PID1: variants seen among roughly 807,000 people sequenced by gnomAD.
PID1 encodes PTB-containing, cubilin and LRP1-interacting protein.
A neutral mutation model predicts 19.1 loss-of-function variants in PID1; 10 were observed. The observed-to-expected ratio is 0.52, with a 90% CI of 0.32 to 0.89. The LOEUF (loss-of-function observed/expected upper bound fraction) is 0.89, where lower values mean the gene tolerates loss of function less well. Among genes scored for constraint, PID1 ranks in the 40% least tolerant of loss-of-function variants. PID1 has a pLI of 0.03. For missense variants in PID1, 248 were observed against 285.3 expected, an observed-to-expected ratio of 0.87 and a Z score of 0.94; for synonymous variants, 130 against 116.0, an observed-to-expected ratio of 1.12 and a Z score of -0.78.
intron 1 of PID1, among the ~76,000 whole-genome samples, chr2:229,222,043 A>G (rs1001833272): frequency 2.6e-5 from 4 of 152,242 alleles, no homozygotes; most frequent in African/African-American, 9.6e-5. Flanking sequence ...TCCCACTCGG[A>G]AGCCTTCAGT....
At chr2:229,048,630 C>G (rs1281946634) in intron 2 of PID1, among the ~76,000 whole-genome samples, 1 of 152,150 alleles carries the variant, frequency 6.6e-6, no homozygotes, top group Non-Finnish European at 1.5e-5. Flanking sequence ...GGCTGCAGCT[C>G]TGGTGGGGTA....
At chr2:229,214,093 G>C (rs1333895497) in intron 1 of PID1, among the ~76,000 whole-genome samples, 1 of 152,154 alleles carries the variant, frequency 6.6e-6, no homozygotes, top group African/African-American at 2.4e-5. Context: ...GATATAATCA[G>C]GACTGTGTTC....
At chr2:229,195,628 T>A in intron 1 of PID1, among the ~76,000 whole-genome samples, 1 of 151,876 alleles carries the variant, frequency 6.6e-6, no homozygotes, top group East Asian at 1.9e-4. Context: ...TAGAGATAAT[T>A]ATTTTTTTCA....
intron 2 of PID1, among the ~76,000 whole-genome samples, chr2:229,127,008 G>C (rs973679204): frequency 2.6e-5 from 4 of 152,198 alleles, no homozygotes; most frequent in African/African-American, 9.6e-5. Context: ...AGTCCTCAAA[G>C]CCCTGTCTAT....
At chr2:229,229,394 A>C (rs973029434) in intron 1 of PID1, among the ~76,000 whole-genome samples, 1 of 152,160 alleles carries the variant, frequency 6.6e-6, no homozygotes, top group Admixed American at 6.6e-5. Flanking sequence ...ATTGCCCCCC[A>C]AAAATAAAAT....
intron 1 of PID1, among the ~76,000 whole-genome samples, chr2:229,266,029 CAAT>C (rs757168556): frequency 6.6e-6 from 1 of 152,142 alleles, no homozygotes; most frequent in Non-Finnish European, 1.5e-5. Context: ...GAGAAAGACT[CAAT>C]GATGTAAGAT....
intron 1 of PID1, among the ~76,000 whole-genome samples, chr2:229,254,091 T>A (rs921062828): frequency 6.6e-6 from 1 of 152,100 alleles, no homozygotes; most frequent in African/African-American, 2.4e-5. Context: ...GGAGAAAGTG[T>A]CTAATCAATC....
rs1040047428 is a variant in PID1 at position 229,190,670 on chromosome 2, T to C, written c.31-34706A>G. Among the ~76,000 whole-genome samples the C allele has an allele frequency of 3.3e-5, 5 of 152,254 alleles. 1 individual carries two copies. In the South Asian group the frequency reaches 8.3e-4, roughly 25 times the overall value. ...TCATAGTTGACTGCTGATACTATATTGGGCAGACATTTTGCTTCCAAGCAT... is the reference window on the plus strand; with the variant it reads ...TCATAGTTGACTGCTGATACTATATCGGGCAGACATTTTGCTTCCAAGCAT... On this transcript the variant is annotated intron_variant, in intron 1 of 2. Coordinates refer to ENST00000392055, the MANE Select transcript of PID1 (RefSeq NM_001100818.2).
chr2:229,133,979 T>C (rs887819698), intron 2 of PID1, among the ~76,000 whole-genome samples: 6 of 151,924 alleles, frequency 3.9e-5, no homozygotes, highest in African/African-American at 1.4e-4. Context: ...GGATACATTG[T>C]AAAAATTTTA....
chr2:229,245,598 G>A (rs964493400), intron 1 of PID1, among the ~76,000 whole-genome samples: 1 of 152,152 alleles, frequency 6.6e-6, no homozygotes, highest in African/African-American at 2.4e-5. Context: ...AGCACTGGGG[G>A]TCTGGGGCAG....
At chr2:229,091,747 G>C (rs893672418) in intron 2 of PID1, among the ~76,000 whole-genome samples, 1 of 152,172 alleles carries the variant, frequency 6.6e-6, no homozygotes. Context: ...TGAATGAACT[G>C]AGGCACTCAC....
chr2:229,036,083 T>C (rs986117554), intron 2 of PID1, among the ~76,000 whole-genome samples: 5 of 152,218 alleles, frequency 3.3e-5, no homozygotes, highest in African/African-American at 7.2e-5. Context: ...TGTGCTATGC[T>C]GGTTATTACC....
rs576076856 is a variant in PID1 at position 229,121,895 on chromosome 2, G to T, written c.177+33923C>A. On this transcript the variant is annotated intron_variant, in intron 2 of 2. Transcript: ENST00000392055. Reference sequence around the variant, plus strand: ...AATAATACAATAGAAAACAGAGAGTGATTATGGCTATAAAGAAAATCAAAG... The same window carrying T: ...AATAATACAATAGAAAACAGAGAGTTATTATGGCTATAAAGAAAATCAAAG... 1.1e-4 allele frequency among the ~76,000 whole-genome samples: 16 copies of T among 152,254 alleles called. No homozygotes were observed. The East Asian group carries it at 2.9e-3, about 28-fold the overall frequency.
At chr2:229,232,509 G>A (rs1246459503) in intron 1 of PID1, among the ~76,000 whole-genome samples, 1 of 141,294 alleles carries the variant, frequency 7.1e-6, no homozygotes, top group African/African-American at 2.6e-5. Context: ...TCTGAATTTT[G>A]GAGGGGACAC....
chr2:229,139,115 G>GAAAGAAAGAAAGAAAGAAAGAA (rs1210728895), intron 2 of PID1, among the ~76,000 whole-genome samples: 21 of 48,058 alleles, frequency 4.4e-4, no homozygotes, highest in African/African-American at 1.5e-3. Context: ...AAGAAAGAAA[G>GAAAGAAAGAAAGAAAGAAAGAA]AGAAAGAAAG....
intron 2 of PID1, among the ~76,000 whole-genome samples, chr2:229,143,072 C>A (rs1690051010): frequency 6.7e-6 from 1 of 148,330 alleles, no homozygotes; most frequent in South Asian, 2.3e-4. Context: ...TGGAAATCAT[C>A]ATTCTCAGTA....
At chr2:229,060,015 A>ATGT (rs1434786740) in intron 2 of PID1, among the ~76,000 whole-genome samples, 1 of 152,140 alleles carries the variant, frequency 6.6e-6, no homozygotes, top group East Asian at 1.9e-4. Context: ...TTGACAAATA[A>ATGT]TTGCATATAT....
intron 1 of PID1, among the ~76,000 whole-genome samples, chr2:229,156,639 G>C (rs1156410201): frequency 1.3e-5 from 2 of 151,988 alleles, no homozygotes; most frequent in Admixed American, 1.3e-4. Flanking sequence ...CATCCAACCT[G>C]GTCCCATCAC....
chr2:229,217,023 G>C (rs1037417241), intron 1 of PID1, among the ~76,000 whole-genome samples: 9 of 152,198 alleles, frequency 5.9e-5, no homozygotes, highest in Non-Finnish European at 8.8e-5. Context: ...TAGATAAGTA[G>C]ATAAAATCAC....
Sources: gnomAD v4.1 joint callset for allele counts (sites outside exome capture counted in the v4.1 genomes callset) on GRCh38, gnomAD v4.1.1 for gene constraint, MANE v1.5 for transcripts, NCBI Gene and HGNC (gene_info 2026-07-23, HGNC 2026-07-21) for gene names.